DLGAP1: variants seen among roughly 807,000 people sequenced by gnomAD.
The protein encoded by DLGAP1 is disks large-associated protein 1.
DLGAP1 carries 11 observed loss-of-function variants against 90.8 expected under a neutral mutation model. The ratio of observed to expected loss-of-function variants is 0.12; its 90% CI spans 0.08 to 0.20. The LOEUF (loss-of-function observed/expected upper bound fraction) is 0.20, where lower values mean the gene tolerates loss of function less well. Among genes scored for constraint, DLGAP1 ranks in the 10% least tolerant of loss-of-function variants. The pLI is 1.00. For missense variants in DLGAP1, 1,050 were observed against 1,333.8 expected, an observed-to-expected ratio of 0.79 and a Z score of 3.31; for synonymous variants, 558 against 540.7, an observed-to-expected ratio of 1.03 and a Z score of -0.44.
At chr18:3,888,572 C>T (rs917554652) in intron 3 of DLGAP1, among the ~76,000 whole-genome samples, 3 of 150,490 alleles carry the variant, frequency 2.0e-5, no homozygotes, top group Admixed American at 2.0e-4. Flanking sequence ...AAAAAACCAA[C>T]GACTCAACTG....
intron 7 of DLGAP1, among the ~76,000 whole-genome samples, chr18:3,697,243 G>A (rs974297798): frequency 1.3e-5 from 2 of 151,802 alleles, no homozygotes; most frequent in African/African-American, 4.8e-5. Context: ...TTTTGCATTT[G>A]TTTGCTCTTG....
intron 1 of DLGAP1, among the ~76,000 whole-genome samples, chr18:4,274,522 T>C (rs1477409375): frequency 1.3e-5 from 2 of 152,204 alleles, no homozygotes; most frequent in African/African-American, 4.8e-5. Flanking sequence ...AAAATAGAAA[T>C]AATATATAGC....
At chr18:4,089,857 A>C (rs571771814) in intron 2 of DLGAP1, among the ~76,000 whole-genome samples, 2 of 152,180 alleles carry the variant, frequency 1.3e-5, no homozygotes, top group Non-Finnish European at 2.9e-5. Flanking sequence ...CATCCTGGCT[A>C]ACACGGTGAA....
At chr18:4,376,022 A>C (rs8096995) in intron 1 of DLGAP1, among the ~76,000 whole-genome samples, 30,725 of 152,098 alleles carry the variant, frequency 0.2, 3,454 homozygotes, top group African/African-American at 0.3. Flanking sequence ...ATCAATATAA[A>C]AGGTAATTCT....
chr18:4,340,181 CATATT>C (rs1487120959), intron 1 of DLGAP1, among the ~76,000 whole-genome samples: 2 of 151,966 alleles, frequency 1.3e-5, no homozygotes, highest in African/African-American at 2.4e-5. Context: ...TTATTAATGA[CATATT>C]ATAAAATAAG....
chr18:3,880,076 C>T lies in DLGAP1; in HGVS notation c.-8G>A, dbSNP rs775134281. 7.5e-6 allele frequency: 12 copies of T among 1,597,098 alleles called. No homozygotes were observed. The highest frequency in any genetic ancestry group is 6.7e-5 in the African/African-American group (5 of 74,834). ...GCCTGATAGCCCTTTCATGGCGGAC[C>T]GGAAGCAGCCGCCAGGGTCATGGAC... On this transcript the variant is annotated 5_prime_UTR_variant, in exon 4 of 13. Transcript: ENST00000315677.
chr18:3,928,368 T>C (rs952190694), intron 3 of DLGAP1, among the ~76,000 whole-genome samples: 7 of 152,160 alleles, frequency 4.6e-5, no homozygotes, highest in African/African-American at 1.7e-4. Flanking sequence ...CTCACCTCAG[T>C]AATTATGCTG....
At chr18:3,559,332 G>T (rs144191159) in intron 9 of DLGAP1, among the ~76,000 whole-genome samples, 1 of 152,072 alleles carries the variant, frequency 6.6e-6, no homozygotes, top group Non-Finnish European at 1.5e-5. Flanking sequence ...TTAAATGAGC[G>T]CTGACAGCCA....
At chr18:4,353,643 C>T (rs1598266233) in intron 1 of DLGAP1, among the ~76,000 whole-genome samples, 2 of 151,514 alleles carry the variant, frequency 1.3e-5, no homozygotes, top group East Asian at 1.9e-4. Flanking sequence ...GTCTTAAAAC[C>T]GTGAAACTAG....
intron 2 of DLGAP1, among the ~76,000 whole-genome samples, chr18:4,012,058 C>T (rs2074434206): frequency 6.6e-6 from 1 of 151,970 alleles, no homozygotes; most frequent in African/African-American, 2.4e-5. Flanking sequence ...CCCTTTCATC[C>T]CTCTAACACT....
intron 3 of DLGAP1, among the ~76,000 whole-genome samples, chr18:3,903,531 T>C (rs1349257789): frequency 6.6e-6 from 1 of 152,198 alleles, no homozygotes; most frequent in East Asian, 1.9e-4. Flanking sequence ...AAAATGGTCC[T>C]AGGGTTCTTT....
At chr18:4,218,666 G>A (rs1432680008) in intron 1 of DLGAP1, among the ~76,000 whole-genome samples, 5 of 151,678 alleles carry the variant, frequency 3.3e-5, no homozygotes, top group East Asian at 1.9e-4. Flanking sequence ...TACTCTATAC[G>A]TCTATGAATT....
At chr18:3,642,921 C>T (rs2058989679) in intron 7 of DLGAP1, among the ~76,000 whole-genome samples, 1 of 152,356 alleles carries the variant, frequency 6.6e-6, no homozygotes, top group East Asian at 1.9e-4. Context: ...TCGACACTTT[C>T]ACCCAACAAT....
At chr18:4,144,321 GTCTAA>G (rs2076545873) in intron 2 of DLGAP1, among the ~76,000 whole-genome samples, 3 of 152,164 alleles carry the variant, frequency 2.0e-5, no homozygotes, top group Admixed American at 2.0e-4. Context: ...GCTAGGACTA[GTCTAA>G]GTGCTGCCTT....
intron 5 of DLGAP1, among the ~76,000 whole-genome samples, chr18:3,798,286 GAC>G (rs2066111052): frequency 1.3e-5 from 2 of 152,236 alleles, no homozygotes; most frequent in Non-Finnish European, 2.9e-5. Context: ...AAAGGACAGA[GAC>G]ACAAAAGCAG....
intron 1 of DLGAP1, among the ~76,000 whole-genome samples, chr18:4,419,197 A>G (rs1028894060): frequency 6.6e-6 from 1 of 152,218 alleles, no homozygotes; most frequent in Non-Finnish European, 1.5e-5. Flanking sequence ...AAGTTTATTT[A>G]AAACCATCAG....
intron 2 of DLGAP1, among the ~76,000 whole-genome samples, chr18:4,085,185 T>C (rs1271138757): frequency 6.6e-6 from 1 of 152,218 alleles, no homozygotes; most frequent in Non-Finnish European, 1.5e-5. Flanking sequence ...GAAATACTAT[T>C]TGCAGAATCT....
intron 1 of DLGAP1, among the ~76,000 whole-genome samples, chr18:4,399,632 G>C (rs1202434142): frequency 1.3e-5 from 2 of 152,156 alleles, no homozygotes; most frequent in Non-Finnish European, 2.9e-5. Flanking sequence ...TGGGGATAAA[G>C]CCAGCACTCT....
rs1300189857 is a variant in DLGAP1 at position 3,574,981 on chromosome 18, AT to A, written c.1965+6893del. Reference sequence around the variant, plus strand: ...AGGCGCCCGCCACCACGCCCAGCTAATTTTTTGTATCTTTAGTAGAGACGGG... The same window carrying A: ...AGGCGCCCGCCACCACGCCCAGCTAATTTTTGTATCTTTAGTAGAGACGGG... On this transcript the variant is annotated intron_variant, in intron 8 of 12. Transcript: ENST00000315677. Among the ~76,000 whole-genome samples the A allele has an allele frequency of 5.3e-5, 8 of 151,722 alleles. No individual in the cohort carries two copies. The East Asian group carries it at 1.6e-3, about 29-fold the overall frequency.
Sources: gnomAD v4.1 joint callset for allele counts (sites outside exome capture counted in the v4.1 genomes callset) on GRCh38, gnomAD v4.1.1 for gene constraint, MANE v1.5 for transcripts, NCBI Gene and HGNC (gene_info 2026-07-23, HGNC 2026-07-21) for gene names.